Variants in LRTM1 observed in about 807,000 individuals in gnomAD.
LRTM1 encodes the protein leucine rich repeat transmembrane protein 1, also known as leucine-rich repeat and transmembrane domain-containing protein 1.
LRTM1 carries 38 observed loss-of-function variants against 32.4 expected under a neutral mutation model. The observed-to-expected ratio is 1.17, with a 90% CI of 0.91 to 1.54. The LOEUF (loss-of-function observed/expected upper bound fraction) is 1.54, where lower values mean the gene tolerates loss of function less well. Among genes scored for constraint, LRTM1 ranks in the 40% most tolerant of loss-of-function variants. LRTM1 has a pLI of 0.00. For synonymous variants in LRTM1, 186 were observed against 169.9 expected, an observed-to-expected ratio of 1.09 and a Z score of -0.74; for missense variants, 466 against 415.4, an observed-to-expected ratio of 1.12 and a Z score of -1.06.
chr3:54,937,741 A>G (rs942250812), intron 1 of LRTM1, among the ~76,000 whole-genome samples: 1 of 152,048 alleles, frequency 6.6e-6, no homozygotes, highest in Non-Finnish European at 1.5e-5. Flanking sequence ...GACGAGGGCC[A>G]TTCCAGGTAA....
At chr3:54,944,699 G>A (rs567490921) in intron 1 of LRTM1, among the ~76,000 whole-genome samples, 3 of 152,286 alleles carry the variant, frequency 2.0e-5, no homozygotes, top group East Asian at 3.9e-4. Context: ...GGGATTACAG[G>A]CGTGAGCCAC....
chr3:54,931,655 C>T (rs73065647), upstream of LRTM1, among the ~76,000 whole-genome samples: 3 of 152,240 alleles, frequency 2.0e-5, no homozygotes, highest in Non-Finnish European at 2.9e-5. Flanking sequence ...CAGATGCACC[C>T]GTAGAGTAAA....
intron 1 of LRTM1, among the ~76,000 whole-genome samples, chr3:54,953,115 T>C (rs1022426174): frequency 3.9e-5 from 6 of 152,222 alleles, no homozygotes; most frequent in African/African-American, 1.4e-4. Flanking sequence ...CCTGTTGTTA[T>C]GTGTATGTGT....
upstream of LRTM1, among the ~76,000 whole-genome samples, chr3:54,928,927 C>G (rs902145042): frequency 2.0e-5 from 3 of 152,148 alleles, no homozygotes; most frequent in Non-Finnish European, 4.4e-5. Context: ...GGACTGGAAC[C>G]GTTTCTTTGA....
At chr3:54,918,989 A>G (rs1700753009) in intron 2 of LRTM1, 97 bp from the exon 3 acceptor site, 8 of 973,058 alleles carry the variant, frequency 8.2e-6, no homozygotes, top group Non-Finnish European at 9.6e-6. Flanking sequence ...GGAATTTATG[A>G]AGTACCTTTT....
chr3:54,944,127 G>A (rs1405014419), intron 1 of LRTM1, among the ~76,000 whole-genome samples: 1 of 151,982 alleles, frequency 6.6e-6, no homozygotes, highest in Non-Finnish European at 1.5e-5. Context: ...ATATCCTTTG[G>A]TAGGAACAGG....
chr3:54,933,051 C>CCCTCCCTCCCTTCCTT (rs1366811478), upstream of LRTM1, among the ~76,000 whole-genome samples: 60 of 139,508 alleles, frequency 4.3e-4, no homozygotes, highest in Middle Eastern at 3.6e-3. Flanking sequence ...ATCCATCCCT[C>CCCTCCCTCCCTTCCTT]CCTTCCTTCC....
chr3:54,964,818 A>AT (rs111676613), intron 1 of LRTM1, among the ~76,000 whole-genome samples: 2,598 of 144,284 alleles, frequency 0.018, 60 homozygotes, highest in African/African-American at 0.056. Context: ...GGTTATTCTT[A>AT]TTTTTTTTTT....
At chr3:54,962,953 TTA>T (rs2107052237) in intron 1 of LRTM1, among the ~76,000 whole-genome samples, 1 of 152,340 alleles carries the variant, frequency 6.6e-6, no homozygotes, top group South Asian at 2.1e-4. Flanking sequence ...ATTTCTAATT[TTA>T]TATGTTTTAT....
intron 2 of LRTM1, among the ~76,000 whole-genome samples, chr3:54,919,560 A>G (rs934286316): frequency 6.6e-6 from 1 of 152,132 alleles, no homozygotes; most frequent in South Asian, 2.1e-4. Flanking sequence ...CATTACCTGT[A>G]AGGTGATTGA....
At chr3:54,935,951 CA>C (rs1701318470) in intron 1 of LRTM1, among the ~76,000 whole-genome samples, 1 of 152,178 alleles carries the variant, frequency 6.6e-6, no homozygotes, top group Admixed American at 6.5e-5. Flanking sequence ...TGAGTCCAAT[CA>C]TTTCATTTTA....
intron 1 of LRTM1, among the ~76,000 whole-genome samples, chr3:54,946,442 A>G (rs1031937311): frequency 1.6e-4 from 24 of 152,128 alleles, no homozygotes; most frequent in Non-Finnish European, 3.1e-4. Flanking sequence ...CTCAGTCAGT[A>G]TTTGTTGGAT....
At chr3:54,927,583 T>A (rs1453406956) in intron 1 of LRTM1, among the ~76,000 whole-genome samples, 4 of 152,174 alleles carry the variant, frequency 2.6e-5, no homozygotes, top group African/African-American at 9.7e-5. Context: ...GTAGCCAATT[T>A]GTTCATTCTT....
At chr3:54,963,234 C>A (rs532566980) in intron 1 of LRTM1, among the ~76,000 whole-genome samples, 8 of 152,236 alleles carry the variant, frequency 5.3e-5, no homozygotes, top group African/African-American at 1.9e-4. Context: ...TGATCTAAAC[C>A]CCCTATACCT....
At chr3:54,934,455 C>T (rs1237642580) in intron 1 of LRTM1, among the ~76,000 whole-genome samples, 2 of 152,094 alleles carry the variant, frequency 1.3e-5, no homozygotes, top group Non-Finnish European at 2.9e-5. Context: ...TCAAGGAATG[C>T]CTAGGATTAT....
At chr3:54,934,426 A>G (rs974670744) in intron 1 of LRTM1, among the ~76,000 whole-genome samples, 3 of 151,940 alleles carry the variant, frequency 2.0e-5, no homozygotes, top group Admixed American at 1.3e-4. Flanking sequence ...TGCCCTTTTG[A>G]TAAGGTAAGA....
In LRTM1 at chr3:54,948,159, T is replaced by C. The variant is rs531624985; in HGVS notation, c.-222+18769A>G. Among the ~76,000 whole-genome samples the C allele has an allele frequency of 2.0e-5, 3 of 152,278 alleles. No homozygotes were observed. The South Asian group carries it at 6.2e-4, about 32-fold the overall frequency. ...TGACATTCTATTTCTACTTCTCCTC[T>C]CACCCCCAGCTCACTTTCCCCTGGT... On this transcript the variant is annotated intron_variant, in intron 1 of 2. Coordinates refer to the LRTM1 transcript ENST00000493075.
chr3:54,927,440 G>T (rs1467891088), intron 1 of LRTM1, among the ~76,000 whole-genome samples: 1 of 152,124 alleles, frequency 6.6e-6, no homozygotes, highest in Non-Finnish European at 1.5e-5. Context: ...CCTCAGTAAT[G>T]AACGGACACC....
chr3:54,945,571 C>G (rs759185613), intron 1 of LRTM1, among the ~76,000 whole-genome samples: 12 of 152,140 alleles, frequency 7.9e-5, no homozygotes, highest in Non-Finnish European at 1.5e-4. Context: ...CTTATTAGCA[C>G]CATAACCTGG....
Sources: gnomAD v4.1 joint callset for allele counts (sites outside exome capture counted in the v4.1 genomes callset) on GRCh38, gnomAD v4.1.1 for gene constraint, MANE v1.5 for transcripts, NCBI Gene and HGNC (gene_info 2026-07-23, HGNC 2026-07-21) for gene names.